Variants in OSBPL6 observed in about 807,000 individuals in gnomAD.
OSBPL6 encodes the protein oxysterol binding protein like 6.
In OSBPL6, 49 loss-of-function variants were observed where a neutral mutation model predicts 125.8. The observed-to-expected ratio is 0.39, with a 90% confidence interval of 0.31 to 0.49. The LOEUF (loss-of-function observed/expected upper bound fraction) is 0.49. Ranked by LOEUF, OSBPL6 falls within the 20% of genes least tolerant of loss-of-function variation. The pLI is 0.88. For synonymous variants in OSBPL6, 394 were observed against 391.8 expected, an observed-to-expected ratio of 1.01 and a Z score of -0.07; for missense variants, 986 against 1,135.4, an observed-to-expected ratio of 0.87 and a Z score of 1.89.
chr2:178,246,441 G>A (rs1167465996), intron 1 of OSBPL6, among the ~76,000 whole-genome samples: 2 of 152,052 alleles, frequency 1.3e-5, no homozygotes, highest in Admixed American at 6.6e-5. Flanking sequence ...TACTCCTTCA[G>A]CATTGAAGTT....
chr2:178,287,969 T>A (rs893214496), intron 2 of OSBPL6, among the ~76,000 whole-genome samples: 3 of 151,836 alleles, frequency 2.0e-5, no homozygotes, highest in African/African-American at 7.3e-5. Context: ...GTTGATTTTT[T>A]TTTTTTTAAG....
rs928217679 is a variant in OSBPL6 at position 178,399,934 on chromosome 2, A to C, written c.*4375A>C. 1.3e-5 allele frequency: 2 copies of C among 152,206 alleles called. No homozygotes were observed. Among genetic ancestry groups the C allele is most frequent in the African/African-American group, 4.8e-5 (2 of 41,454 alleles). 9.4% of individuals were successfully genotyped at this position (152,206 alleles called of 1,614,324 possible). ...GTTACTTTGGTATCTTCAAATTGGT[A>C]AGAAAAAAACATAAAACAAAAATGT... is the stretch of plus-strand genomic sequence containing the variant. On this transcript the variant is annotated 3_prime_UTR_variant, in exon 25 of 25. Coordinates refer to ENST00000190611, the MANE Select transcript of OSBPL6 (RefSeq NM_032523.4).
chr2:178,252,281 AG>A lies in OSBPL6; in HGVS notation c.-350-32643del, dbSNP rs1474600793. 1.1e-4 allele frequency among the ~76,000 whole-genome samples: 5 copies of A among 45,024 alleles called. No homozygotes were observed. The African/African-American group carries it at 1.2e-3, about 11-fold the overall frequency. 29.5% of individuals were successfully genotyped at this position (45,024 alleles called of 152,430 possible). On this transcript the variant is annotated intron_variant, in intron 1 of 24. Coordinates refer to ENST00000190611, the MANE Select transcript of OSBPL6 (RefSeq NM_032523.4). ...AGGGATTGGCAAATTTTCTCTGTAAAGGGCCAGGTTATAAATATTTGAGGGT... is the reference window on the plus strand; with the variant it reads ...AGGGATTGGCAAATTTTCTCTGTAAAGGCCAGGTTATAAATATTTGAGGGT...
intron 1 of OSBPL6, among the ~76,000 whole-genome samples, chr2:178,229,328 G>C (rs1409000693): frequency 6.6e-6 from 1 of 152,126 alleles, no homozygotes. Context: ...ACCGTGCATG[G>C]TGTTTAAATT....
In OSBPL6 at chr2:178,239,309, C is replaced by T. The variant is rs149704544; in HGVS notation, c.-351+44635C>T. On this transcript the variant is annotated intron_variant, in intron 1 of 24. Coordinates refer to ENST00000190611, the MANE Select transcript of OSBPL6 (RefSeq NM_032523.4). ...ACATTTTAACAGTGATGGCTGGGCA[C>T]AGTGGCTCACACCTTCAATCCTAAC... Among the ~76,000 whole-genome samples the T allele has an allele frequency of 1.9e-3, 282 of 152,274 alleles. 3 individuals are homozygous for T. The highest frequency in any genetic ancestry group is 6.1e-3 in the African/African-American group (252 of 41,558).
rs76207508 is a variant in OSBPL6, at chr2:178,351,243, G to C, written c.1153+1854G>C. ...AACATGGTACTGGAAGTACTATCAA[G>C]AGCAATTAGACAACAAAAAGAAATA... On this transcript the variant is annotated intron_variant, in intron 12 of 24. Coordinates refer to ENST00000190611, the MANE Select transcript of OSBPL6 (RefSeq NM_032523.4). Among the ~76,000 whole-genome samples, 675 of 152,164 alleles carry C rather than the reference G, an allele frequency of 4.4e-3. 3 individuals carry two copies. Among genetic ancestry groups the C allele is most frequent in the Non-Finnish European group, 7.7e-3 (522 of 67,982 alleles).
intron 1 of OSBPL6, among the ~76,000 whole-genome samples, chr2:178,268,959 C>T (rs2092312399): frequency 6.6e-6 from 1 of 152,108 alleles, no homozygotes; most frequent in South Asian, 2.1e-4. Flanking sequence ...GTGCTTCCTG[C>T]ATGATTGTAT....
chr2:178,273,502 C>T (rs1465523526), intron 1 of OSBPL6, among the ~76,000 whole-genome samples: 1 of 151,892 alleles, frequency 6.6e-6, no homozygotes, highest in Non-Finnish European at 1.5e-5. Flanking sequence ...ATTGCTTGAG[C>T]CTGGGAGGTG....
At chr2:178,287,933 G>A (rs1366808280) in intron 2 of OSBPL6, among the ~76,000 whole-genome samples, 3 of 150,874 alleles carry the variant, frequency 2.0e-5, no homozygotes, top group African/African-American at 7.3e-5. Flanking sequence ...GGAGGGCTTA[G>A]GAGCTGTTGT....
chr2:178,277,567 A>G (rs2092495237), intron 1 of OSBPL6, among the ~76,000 whole-genome samples: 1 of 152,272 alleles, frequency 6.6e-6, no homozygotes, highest in Non-Finnish European at 1.5e-5. Flanking sequence ...TGATAGACTG[A>G]GAAAATTATG....
intron 12 of OSBPL6, among the ~76,000 whole-genome samples, chr2:178,352,734 G>A (rs1376834466): frequency 6.6e-6 from 1 of 152,210 alleles, no homozygotes; most frequent in Non-Finnish European, 1.5e-5. Flanking sequence ...GAAGAGAGCA[G>A]TGGTTCTCCC....
At chr2:178,211,762 A>T (rs1360406129) in intron 1 of OSBPL6, among the ~76,000 whole-genome samples, 1 of 152,060 alleles carries the variant, frequency 6.6e-6, no homozygotes, top group Non-Finnish European at 1.5e-5. Flanking sequence ...CCCAGCTCGG[A>T]GCCACATGAG....
intron 1 of OSBPL6, among the ~76,000 whole-genome samples, chr2:178,224,115 G>T (rs1460843275): frequency 6.6e-6 from 1 of 152,134 alleles, no homozygotes; most frequent in Admixed American, 6.5e-5. Flanking sequence ...GGTTAATATT[G>T]GGGGGAAGTG....
chr2:178,331,446 T>A, intron 5 of OSBPL6, 106 bp from the exon 6 acceptor site: 1 of 1,169,158 alleles, frequency 8.6e-7, no homozygotes, highest in Non-Finnish European at 1.3e-6. Flanking sequence ...ATTAAAATGA[T>A]CAAACATATT....
intron 1 of OSBPL6, among the ~76,000 whole-genome samples, chr2:178,219,151 CTG>C (rs2090230234): frequency 6.6e-6 from 1 of 152,114 alleles, no homozygotes; most frequent in Admixed American, 6.6e-5. Context: ...ATAAAATAGA[CTG>C]TTAGTGATAG....
At chr2:178,289,720 A>G (rs1685060761) in intron 2 of OSBPL6, among the ~76,000 whole-genome samples, 1 of 152,208 alleles carries the variant, frequency 6.6e-6, no homozygotes, top group Non-Finnish European at 1.5e-5. Context: ...CTTATCTAGA[A>G]TATTCCCTTT....
chr2:178,277,490 T>G (rs1488683680), intron 1 of OSBPL6, among the ~76,000 whole-genome samples: 1 of 152,216 alleles, frequency 6.6e-6, no homozygotes, highest in Non-Finnish European at 1.5e-5. Context: ...CAGAGAAATA[T>G]TGTCAATTAG....
At chr2:178,223,418 T>C (rs1191966777) in intron 1 of OSBPL6, among the ~76,000 whole-genome samples, 1 of 152,242 alleles carries the variant, frequency 6.6e-6, no homozygotes, top group Non-Finnish European at 1.5e-5. Flanking sequence ...TTGTTGTAGA[T>C]ATTTTCCCCC....
chr2:178,248,073 A>G (rs2091556574), intron 1 of OSBPL6, among the ~76,000 whole-genome samples: 1 of 152,204 alleles, frequency 6.6e-6, no homozygotes, highest in Admixed American at 6.5e-5. Context: ...AGCTCCTACA[A>G]GGAAAGTTAT....
Sources: allele counts gnomAD v4.1 joint callset (sites outside exome capture counted in the v4.1 genomes callset), GRCh38; gene constraint gnomAD v4.1.1; transcripts MANE v1.5; gene names NCBI Gene and HGNC (gene_info 2026-07-23, HGNC 2026-07-21).